Variants in TP53BP1 observed in about 807,000 individuals in gnomAD.
TP53BP1 encodes tumor protein p53 binding protein 1, also known as TP53-binding protein 1.
In TP53BP1, 61 loss-of-function variants were observed where a neutral mutation model predicts 200.8. The observed-to-expected ratio is 0.30, with a 90% CI of 0.25 to 0.38. The LOEUF is 0.38. TP53BP1 is among the 10% of genes least tolerant of loss of function. The probability of loss-of-function intolerance (pLI) is 1.00; values close to 1 mark genes in which losing one functional copy is unlikely to be tolerated. For missense variants in TP53BP1, 2,144 were observed against 2,371.9 expected, an observed-to-expected ratio of 0.90 and a Z score of 2.00; for synonymous variants, 822 against 844.3, an observed-to-expected ratio of 0.97 and a Z score of 0.46.
chr15:43,449,097 A>G (rs2046107685), intron 12 of TP53BP1, among the ~76,000 whole-genome samples: 1 of 152,160 alleles, frequency 6.6e-6, no homozygotes, highest in South Asian at 2.1e-4. Flanking sequence ...ACCGCACTAC[A>G]GCCTGGATGA....
At chr15:43,435,449 G>A (rs2045772891) in intron 16 of TP53BP1, among the ~76,000 whole-genome samples, 1 of 151,748 alleles carries the variant, frequency 6.6e-6, no homozygotes, top group African/African-American at 2.4e-5. Flanking sequence ...CCAACATCTT[G>A]GCACCTCTAT....
chr15:43,499,583 C>T (rs1298838676), intron 1 of TP53BP1, among the ~76,000 whole-genome samples: 1 of 152,156 alleles, frequency 6.6e-6, no homozygotes, highest in Non-Finnish European at 1.5e-5. Flanking sequence ...CTGATCTGGA[C>T]TTGTACAGAG....
At chr15:43,420,861 C>A (rs1050015833) in intron 20 of TP53BP1, 126 bp from the exon 21 acceptor site, 2 of 1,283,650 alleles carry the variant, frequency 1.6e-6, no homozygotes, top group Admixed American at 2.5e-5. Flanking sequence ...CCATCACAGG[C>A]ATGAGCCTGG....
At chr15:43,454,614 C>G (rs573473402) in intron 12 of TP53BP1, among the ~76,000 whole-genome samples, 81 of 152,298 alleles carry the variant, frequency 5.3e-4, no homozygotes, top group African/African-American at 1.9e-3. Context: ...CTGCTGGCCT[C>G]AGCCTCCCAA....
Position 43,446,389 on chromosome 15 carries a change from T to C in TP53BP1, c.3038A>G (p.Glu1013Gly), listed in dbSNP as rs1157843450. The C allele has an allele frequency of 6.2e-7, 1 of 1,613,646 alleles. No individual in the cohort carries two copies. Among genetic ancestry groups the C allele is most frequent in the Non-Finnish European group, 8.5e-7 (1 of 1,179,612 alleles). The change falls in exon 14 of 28, where the codon GAA becomes GGA. Residue 1013 changes from glutamate (E) to glycine (G), a missense_variant and splice_region_variant. Transcript: ENST00000382044. ...ASEESLQFNL[E>G]KPATGERKNG... ...CCCAAGATTAACATAAAACTTACTT[T>C]CCAGGTTGAACTGCAAAGACTCTTC...
In TP53BP1 at chr15:43,471,418, A is replaced by T. The variant is rs920155330; in HGVS notation, c.1181-1352T>A. Among the ~76,000 whole-genome samples, 4 of 152,092 alleles carry T rather than the reference A, an allele frequency of 2.6e-5. No individual in the cohort carries two copies. In the East Asian group the frequency reaches 5.8e-4, roughly 22 times the overall value. ...TCTACAATAAATATTGACTGTTTAC[A>T]ATCAGGGAGAAAGCTTTTTTTTTTT... On this transcript the variant is annotated intron_variant, in intron 10 of 27. Coordinates refer to ENST00000382044, the MANE Select transcript of TP53BP1 (RefSeq NM_001141980.3).
chr15:43,499,022 A>AAC (rs2079196021), intron 1 of TP53BP1, among the ~76,000 whole-genome samples: 1 of 150,904 alleles, frequency 6.6e-6, no homozygotes, highest in African/African-American at 2.4e-5. Flanking sequence ...ACAACAACAA[A>AAC]AAAAAAAAAA....
chr15:43,442,252 A>G (rs1318584461), intron 14 of TP53BP1, among the ~76,000 whole-genome samples: 1 of 151,336 alleles, frequency 6.6e-6, no homozygotes. Flanking sequence ...CGCCCGGCTA[A>G]TTTTTTTGTA....
At chr15:43,491,607 G>C (rs1376483469) in intron 4 of TP53BP1, 62 bp downstream of exon 4, 1 of 1,231,356 alleles carries the variant, frequency 8.1e-7, no homozygotes, top group Non-Finnish European at 1.2e-6. Flanking sequence ...TGAGGCAACA[G>C]GTACAGATAA....
intron 12 of TP53BP1, among the ~76,000 whole-genome samples, chr15:43,448,259 T>C (rs752827203): frequency 2.0e-5 from 3 of 152,158 alleles, no homozygotes; most frequent in Non-Finnish European, 2.9e-5. Context: ...TAATCAGAAC[T>C]AGAAAACCGT....
At position 43,446,578 on chromosome 15, in the gene TP53BP1, T is replaced by G; in HGVS notation, c.2849A>C (p.Tyr950Ser). The G allele has an allele frequency of 6.2e-7, 1 of 1,613,604 alleles. No homozygotes were observed. The highest frequency in any genetic ancestry group is 8.5e-7 in the Non-Finnish European group (1 of 1,179,684). ...RHSTPIGISN[Y>S]PESTIATSDV... is the part of the protein sequence containing the mutation. ...ACTGGTTGCTATGGTGCTTTCTGGA[T>G]AGTTGCTAATACCTGAAAGAAGTGA... Residue 950 changes from tyrosine to serine, a missense_variant, in exon 14 of 28, where the codon TAT becomes TCT. Physicochemically the swap from Tyr to Ser is moderately radical, Grantham distance 144. Coordinates refer to ENST00000382044, the MANE Select transcript of TP53BP1 (RefSeq NM_001141980.3).
Position 43,438,415 on chromosome 15 carries a change from G to C in TP53BP1, c.3100C>G (p.Pro1034Ala). The C allele has an allele frequency of 6.2e-7, 1 of 1,608,586 alleles. No homozygotes were observed. Among genetic ancestry groups the C allele is most frequent in the African/African-American group, 1.3e-5 (1 of 74,786 alleles). ...CTCAACACAGACATGGTCTTCTGGG[G>C]ACTAAGACAATATATTAAAGCAATA... ...STAVAESVAS[P>A]QKTMSVLSCI... Residue 1034 changes from proline (P) to alanine (A), a missense_variant and splice_region_variant, in exon 16 of 28, where the codon CCC becomes GCC. By Grantham distance (27) the Pro-to-Ala change is conservative. This residue lies in a region of TP53BP1 where 1,700 missense variants were observed against 1,710.3 expected (regional missense o/e 0.99). Coordinates refer to ENST00000382044, the MANE Select transcript of TP53BP1 (RefSeq NM_001141980.3).
rs148657119 is a variant in TP53BP1, at chr15:43,499,176, G to T, written c.-8-6708C>A. On this transcript the variant is annotated intron_variant, in intron 1 of 27. Transcript: ENST00000263801. ...CACTGTGTCCTAGTGGCTGAGCTGT[G>T]AAATAGTTACTCATATTCTGAGGTA... 1.9e-4 allele frequency among the ~76,000 whole-genome samples: 29 copies of T among 152,258 alleles called. No individual in the cohort carries two copies. In the East Asian group the frequency reaches 3.1e-3, roughly 16 times the overall value.
chr15:43,413,623 T>C (rs1283020997), intron 23 of TP53BP1, among the ~76,000 whole-genome samples: 1 of 152,212 alleles, frequency 6.6e-6, no homozygotes, highest in African/African-American at 2.4e-5. Flanking sequence ...ATTGTTTTCA[T>C]ATAGCCACAC....
In TP53BP1 at chr15:43,421,077, G is replaced by A. The variant is rs753731795; in HGVS notation, c.4198C>T (p.Pro1400Ser). 2.5e-6 allele frequency: 4 copies of A among 1,614,202 alleles called. No individual in the cohort carries two copies. Among genetic ancestry groups the A allele is most frequent in the Non-Finnish European group, 3.4e-6 (4 of 1,180,034 alleles). Residue 1400 changes from proline to serine, a missense_variant, in exon 20 of 28, where the codon CCT becomes TCT. Physicochemically the swap from Pro to Ser is moderately conservative, Grantham distance 74. Around this residue, in one of 4 missense-constraint regions of TP53BP1, gnomAD observed 1,700 missense variants for 1,710.3 expected, o/e 0.99. Coordinates refer to ENST00000382044, the MANE Select transcript of TP53BP1 (RefSeq NM_001141980.3). ...IRQGGKAPVT[P>S]RGRGRRGRPP... ...CGGCCCCTTCGCCCACGCCCACGAG[G>A]CGTGACTGGAGCCTTCCCTCCCTGT...
chr15:43,474,734 A>C lies in TP53BP1; in HGVS notation c.1119T>G (p.Asp373Glu). Residue 373 changes from aspartate (D) to glutamate (E), a missense_variant, in exon 10 of 28, where the codon GAT becomes GAG. Coordinates refer to ENST00000382044, the MANE Select transcript of TP53BP1 (RefSeq NM_001141980.3). ...CGATAAAAGGAGTAGATCGGAAAGC[A>C]TCAGGAGAAGGAGCAACAAGATCTG... ...NSSDLVAPSP[D>E]AFRSTPFIVP... The C allele has an allele frequency of 6.2e-7, 1 of 1,613,558 alleles. No individual in the cohort carries two copies. The highest frequency in any genetic ancestry group is 8.5e-7 in the Non-Finnish European group (1 of 1,179,448).
intron 1 of TP53BP1, among the ~76,000 whole-genome samples, chr15:43,507,260 G>A (rs989201086): frequency 2.0e-5 from 3 of 151,848 alleles, no homozygotes; most frequent in Admixed American, 6.6e-5. Flanking sequence ...TCAGCCTCCC[G>A]AGTAGCTGGG....
chr15:43,508,932 T>C (rs2079253491), intron 1 of TP53BP1, among the ~76,000 whole-genome samples: 1 of 152,144 alleles, frequency 6.6e-6, no homozygotes, highest in African/African-American at 2.4e-5. Flanking sequence ...GTGTGATCCT[T>C]CCCTATACCA....
intron 1 of TP53BP1, among the ~76,000 whole-genome samples, chr15:43,499,235 G>A (rs1024647928): frequency 6.6e-6 from 1 of 152,102 alleles, no homozygotes; most frequent in African/African-American, 2.4e-5. Context: ...TACGTACAAA[G>A]AAGGGAACAA....
Sources: gnomAD v4.1 joint callset for allele counts (sites outside exome capture counted in the v4.1 genomes callset) on GRCh38, gnomAD v4.1.1 for gene constraint, gnomAD v4.1.1 regional missense constraint, MANE v1.5 for transcripts, NCBI Gene and HGNC (gene_info 2026-07-23, HGNC 2026-07-21) for gene names.